The following MAPKAPK5 variants were observed in gnomAD, a reference collection of about 807,000 sequenced individuals.
MAPKAPK5 encodes the protein MAP kinase-activated protein kinase 5.
In MAPKAPK5, 30 loss-of-function variants were observed where a neutral mutation model predicts 65.1. The ratio of observed to expected loss-of-function variants is 0.46; its 90% CI spans 0.34 to 0.63. The LOEUF (loss-of-function observed/expected upper bound fraction) is 0.63. MAPKAPK5 is among the 20% of genes least tolerant of loss of function. The probability of loss-of-function intolerance (pLI) is 0.01; values close to 1 mark genes in which losing one functional copy is unlikely to be tolerated. For missense variants in MAPKAPK5, 433 were observed against 581.4 expected (o/e 0.74, Z 2.63); for synonymous variants, 179 against 204.6 (o/e 0.87, Z 1.07).
intron 5 of MAPKAPK5, among the ~76,000 whole-genome samples, chr12:111,869,650 G>A (rs2069719250): frequency 6.6e-6 from 1 of 152,170 alleles, no homozygotes; most frequent in Admixed American, 6.5e-5. Flanking sequence ...TAAAGAACAA[G>A]TAAAATCTGT....
rs1045573822 is a variant in MAPKAPK5, at chr12:111,842,672, C to T, written c.-62C>T. ...GTGCCGAGCCCTTTGCTCCCTCGGC[C>T]GCGCGGGGACAGGGCTGCTGAGCAG... is the stretch of plus-strand genomic sequence containing the variant. On this transcript the variant is annotated 5_prime_UTR_variant, in exon 1 of 14. Transcript: ENST00000550735. The T allele has an allele frequency of 1.6e-6, 2 of 1,283,884 alleles. No homozygotes were observed. The highest frequency in any genetic ancestry group is 3.0e-5 in the East Asian group (1 of 33,674). 79.5% of individuals were successfully genotyped at this position (1,283,884 alleles called of 1,614,324 possible). A position where few individuals can be genotyped will look rare whatever the true frequency, so the allele number is the denominator to read the frequency against.
intron 7 of MAPKAPK5, among the ~76,000 whole-genome samples, chr12:111,871,558 G>A (rs991392612): frequency 6.6e-6 from 1 of 152,016 alleles, no homozygotes; most frequent in Non-Finnish European, 1.5e-5. Flanking sequence ...CAGGAGAATC[G>A]CTTGAACCTG....
intron 1 of MAPKAPK5, among the ~76,000 whole-genome samples, chr12:111,861,245 G>T (rs1231707505): frequency 6.6e-6 from 1 of 152,170 alleles, no homozygotes; most frequent in Non-Finnish European, 1.5e-5. Flanking sequence ...GGTAAGAATA[G>T]AGGACTAATG....
chr12:111,875,034 C>A (rs1300463129), intron 7 of MAPKAPK5, among the ~76,000 whole-genome samples: 1 of 152,134 alleles, frequency 6.6e-6, no homozygotes, highest in Non-Finnish European at 1.5e-5. Context: ...ACCTTGGCCT[C>A]CCAAAGTGCT....
At chr12:111,882,475 C>A (rs1035547503) in intron 8 of MAPKAPK5, among the ~76,000 whole-genome samples, 1 of 152,172 alleles carries the variant, frequency 6.6e-6, no homozygotes, top group Non-Finnish European at 1.5e-5. Flanking sequence ...GAGTGTGGGG[C>A]CCCAGTGGCA....
At chr12:111,879,229 T>C (rs547837417) in intron 7 of MAPKAPK5, 1 of 152,358 alleles carries the variant, frequency 6.6e-6, no homozygotes, top group South Asian at 2.1e-4. Context: ...CTCTCACATA[T>C]TTGTGAGATT....
At chr12:111,890,004 G>C in intron 12 of MAPKAPK5, 36 bp from the exon 13 acceptor site, 1 of 1,388,726 alleles carries the variant, frequency 7.2e-7, no homozygotes, top group Non-Finnish European at 1.0e-6. Flanking sequence ...TGATGCTGCA[G>C]GAAAAATGCA....
chr12:111,877,577 C>G (rs2070032247), intron 7 of MAPKAPK5, among the ~76,000 whole-genome samples: 1 of 152,102 alleles, frequency 6.6e-6, no homozygotes, highest in Non-Finnish European at 1.5e-5. Flanking sequence ...TGTATATTTT[C>G]TTCGGGAAGT....
At chr12:111,846,680 G>T (rs1037001229) in intron 1 of MAPKAPK5, among the ~76,000 whole-genome samples, 9 of 151,560 alleles carry the variant, frequency 5.9e-5, no homozygotes, top group African/African-American at 2.2e-4. Context: ...TGTATTTTTA[G>T]TAGAGACGGG....
intron 1 of MAPKAPK5, among the ~76,000 whole-genome samples, chr12:111,846,611 T>G (rs536727653): frequency 9.6e-4 from 146 of 151,848 alleles, no homozygotes; most frequent in African/African-American, 3.3e-3. Flanking sequence ...TTCTTCTGCC[T>G]CAGCCTCCCG....
In MAPKAPK5 at chr12:111,842,756, A is replaced by G. The variant is rs773408629; in HGVS notation, c.23A>G (p.Asp8Gly). The G allele has an allele frequency of 7.4e-7, 1 of 1,344,258 alleles. No homozygotes were observed. The allele number at this position is 1,344,258 out of a possible 1,614,324, so 83.3% of individuals were successfully genotyped here. A position where few individuals can be genotyped will look rare whatever the true frequency, so the allele number is the denominator to read the frequency against. The change falls in exon 1 of 14, where the codon GAC becomes GGC. Residue 8 changes from aspartate to glycine, a missense_variant. This residue lies in a region of MAPKAPK5 where 165 missense variants were observed against 180.0 expected (regional missense o/e 0.92). Coordinates refer to ENST00000550735, the MANE Select transcript of MAPKAPK5 (RefSeq NM_003668.4). MSEESDM[D>G]KAIKETSILE... ...AGTATGTCGGAGGAGAGCGACATGG[A>G]CAAAGCCATCAAGGTAAGGGGGAGG...
Position 111,901,380 on chromosome 12 carries a change from C to T in MAPKAPK5, c.*8319C>T. On this transcript the variant is annotated 3_prime_UTR_variant, in exon 14 of 14. Coordinates refer to ENST00000550735, the MANE Select transcript of MAPKAPK5 (RefSeq NM_003668.4). ...TGGAGGTAGTGTGGACAGTGGCCCT[C>T]CTGGTAAGCTAGGTGGGACACCTTC... 1 of 456,014 alleles carries T rather than the reference C, an allele frequency of 2.2e-6. No homozygotes were observed. Among genetic ancestry groups the T allele is most frequent in the South Asian group, 1.5e-5 (1 of 64,558 alleles). The allele number at this position is 456,014 out of a possible 1,614,324, so 28.2% of individuals were successfully genotyped here. A position where few individuals can be genotyped will look rare whatever the true frequency, so the allele number is the denominator to read the frequency against.
chr12:111,857,702 G>C (rs369149606), intron 1 of MAPKAPK5, among the ~76,000 whole-genome samples: 1 of 152,142 alleles, frequency 6.6e-6, no homozygotes, highest in Non-Finnish European at 1.5e-5. Flanking sequence ...TTGAGGGATA[G>C]TTTTGTTCAA....
chr12:111,877,556 C>T (rs1035020465), intron 7 of MAPKAPK5, among the ~76,000 whole-genome samples: 4 of 152,122 alleles, frequency 2.6e-5, no homozygotes, highest in African/African-American at 9.7e-5. Context: ...TTTGTGTATG[C>T]ACCTGCCTTC....
intron 7 of MAPKAPK5, among the ~76,000 whole-genome samples, chr12:111,876,399 G>A (rs1325825494): frequency 6.6e-6 from 1 of 151,548 alleles, no homozygotes; most frequent in Non-Finnish European, 1.5e-5. Flanking sequence ...CCCCTGTGAA[G>A]ACACTGCAGT....
chr12:111,900,009 A>T lies in MAPKAPK5; in HGVS notation c.*6948A>T, dbSNP rs1321747800. The T allele has an allele frequency of 2.2e-6, 1 of 456,116 alleles. No homozygotes were observed. The allele number at this position is 456,116 out of a possible 1,614,324, so 28.3% of individuals were successfully genotyped here. A position where few individuals can be genotyped will look rare whatever the true frequency, so the allele number is the denominator to read the frequency against. ...CAACCAGCGGTTCCAGATGTGGGGC[A>T]GTAACGTCAATGAGACGGTCCAGAC... On this transcript the variant is annotated 3_prime_UTR_variant, in exon 14 of 14. Coordinates refer to ENST00000550735, the MANE Select transcript of MAPKAPK5 (RefSeq NM_003668.4).
chr12:111,855,958 C>T (rs980784649), intron 1 of MAPKAPK5, among the ~76,000 whole-genome samples: 73 of 150,766 alleles, frequency 4.8e-4, no homozygotes, highest in African/African-American at 1.3e-3. Flanking sequence ...CAGGTTCAAG[C>T]GATTATCCTG....
In MAPKAPK5 at chr12:111,896,556, A is replaced by C. The variant is rs1296432504; in HGVS notation, c.*3495A>C. 1 of 152,248 alleles carries C rather than the reference A, an allele frequency of 6.6e-6. No individual in the cohort carries two copies. The highest frequency in any genetic ancestry group is 2.4e-5 in the African/African-American group (1 of 41,466). 9.4% of individuals were successfully genotyped at this position (152,248 alleles called of 1,614,324 possible). A position where few individuals can be genotyped will look rare whatever the true frequency, so the allele number is the denominator to read the frequency against. On this transcript the variant is annotated 3_prime_UTR_variant, in exon 14 of 14. Transcript: ENST00000550735. Reference sequence around the variant, plus strand: ...TACTCGAAATTTGCACATAACTGGAAGTGAAACGATATCTTTCTCATATTT... The same window carrying C: ...TACTCGAAATTTGCACATAACTGGACGTGAAACGATATCTTTCTCATATTT...
chr12:111,880,059 C>T (rs2070141092), intron 7 of MAPKAPK5: 2 of 259,186 alleles, frequency 7.7e-6, no homozygotes, highest in Non-Finnish European at 1.5e-5. Flanking sequence ...GCACTTAACA[C>T]CTAGACTGAC....
Sources: allele counts gnomAD v4.1 joint callset (sites outside exome capture counted in the v4.1 genomes callset), GRCh38; gene constraint gnomAD v4.1.1; regional missense constraint gnomAD v4.1.1; transcripts MANE v1.5; gene names NCBI Gene and HGNC (gene_info 2026-07-23, HGNC 2026-07-21).